MAP2K1: variants seen among roughly 807,000 people sequenced by gnomAD.
MAP2K1 encodes the protein mitogen-activated protein kinase kinase 1, also known as dual specificity mitogen-activated protein kinase kinase 1.
A neutral mutation model predicts 46.3 loss-of-function variants in MAP2K1; 16 were observed. The ratio of observed to expected loss-of-function variants is 0.35; its 90% CI spans 0.23 to 0.52. The LOEUF is 0.52. Ranked by LOEUF, MAP2K1 falls within the 20% of genes least tolerant of loss-of-function variation. MAP2K1 has a pLI of 0.94. For synonymous variants in MAP2K1, 183 were observed against 185.6 expected (o/e 0.99, Z 0.11); for missense variants, 263 against 497.1 (o/e 0.53, Z 4.48).
intron 1 of MAP2K1, among the ~76,000 whole-genome samples, chr15:66,417,144 A>G (rs2093426534): frequency 6.6e-6 from 1 of 152,178 alleles, no homozygotes; most frequent in South Asian, 2.1e-4. Context: ...AGACAGAAGC[A>G]AGCACTATCA....
At chr15:66,434,967 ACTT>A in intron 1 of MAP2K1, 57 bp from the exon 2 acceptor site, 1 of 1,068,802 alleles carries the variant, frequency 9.4e-7, no homozygotes, top group Non-Finnish European at 1.5e-6. Context: ...TGATAGGAGT[ACTT>A]CTTTGGGTTG....
At chr15:66,471,943 G>A (rs1466639915) in intron 5 of MAP2K1, among the ~76,000 whole-genome samples, 1 of 151,908 alleles carries the variant, frequency 6.6e-6, no homozygotes, top group Non-Finnish European at 1.5e-5. Context: ...TAGGCGTGGT[G>A]GCAGGTGCCT....
chr15:66,426,992 G>A (rs373243995), intron 1 of MAP2K1, among the ~76,000 whole-genome samples: 5 of 152,132 alleles, frequency 3.3e-5, no homozygotes, highest in African/African-American at 9.7e-5. Context: ...CCCCATTGAC[G>A]ATGATCTCAT....
chr15:66,478,492 G>A (rs1280849644), intron 5 of MAP2K1, among the ~76,000 whole-genome samples: 63 of 127,744 alleles, frequency 4.9e-4, no homozygotes, highest in Non-Finnish European at 7.9e-4. Context: ...ATATATAGAG[G>A]TATATATATA....
At chr15:66,420,759 G>GTGTATATA (rs1252003697) in intron 1 of MAP2K1, among the ~76,000 whole-genome samples, 1 of 40,094 alleles carries the variant, frequency 2.5e-5, no homozygotes, top group African/African-American at 9.6e-5. Context: ...GTGTGTGTGT[G>GTGTATATA]TATGTGTGTA....
intron 1 of MAP2K1, among the ~76,000 whole-genome samples, chr15:66,410,982 C>T (rs534977102): frequency 6.6e-6 from 1 of 152,280 alleles, no homozygotes; most frequent in South Asian, 2.1e-4. Flanking sequence ...GAATGAAAGC[C>T]AGTGTTAGTT....
chr15:66,484,866 A>G, intron 6 of MAP2K1, 124 bp from the exon 7 acceptor site: 3 of 882,570 alleles, frequency 3.4e-6, no homozygotes, highest in Non-Finnish European at 5.7e-6. Flanking sequence ...GCCAAATTCA[A>G]GAGGTTAGTG....
chr15:66,413,752 C>G (rs920233514), intron 1 of MAP2K1, among the ~76,000 whole-genome samples: 3 of 152,092 alleles, frequency 2.0e-5, no homozygotes, highest in African/African-American at 7.2e-5. Context: ...GACACATGCT[C>G]TAACTCTGGT....
rs777463384 is a variant in MAP2K1, at chr15:66,445,220, CT to C, written c.568+514del. 4.5e-4 allele frequency among the ~76,000 whole-genome samples: 68 copies of C among 152,058 alleles called. 1 individual carries two copies. The highest frequency in any genetic ancestry group is 3.2e-4 in the Non-Finnish European group (22 of 68,022). On this transcript the variant is annotated intron_variant, in intron 5 of 10. Coordinates refer to ENST00000307102, the MANE Select transcript of MAP2K1 (RefSeq NM_002755.4). ...CCTGACCCAACATGGTGAAACCCCCCTCTACTAAAAATACAAAAATTAGCCG... is the reference window on the plus strand; with the variant it reads ...CCTGACCCAACATGGTGAAACCCCCCCTACTAAAAATACAAAAATTAGCCG...
At chr15:66,453,335 G>A (rs895995439) in intron 5 of MAP2K1, 2 of 610,996 alleles carry the variant, frequency 3.3e-6, no homozygotes, top group East Asian at 5.5e-5. Flanking sequence ...ATGGGTCTCT[G>A]AACAGATGTC....
chr15:66,430,429 G>A (rs1247592113), intron 1 of MAP2K1, among the ~76,000 whole-genome samples: 4 of 152,176 alleles, frequency 2.6e-5, no homozygotes, highest in Non-Finnish European at 5.9e-5. Flanking sequence ...GGCTCAGATT[G>A]GGTGGCATGC....
intron 1 of MAP2K1, among the ~76,000 whole-genome samples, chr15:66,400,060 CT>C (rs925378858): frequency 4.6e-5 from 7 of 152,042 alleles, no homozygotes; most frequent in African/African-American, 9.7e-5. Context: ...AGGAAACATA[CT>C]TTTTTTGTGT....
intron 1 of MAP2K1, among the ~76,000 whole-genome samples, chr15:66,411,908 C>T (rs937298270): frequency 1.3e-5 from 2 of 152,146 alleles, no homozygotes; most frequent in African/African-American, 2.4e-5. Context: ...CCATTTAAGG[C>T]AGGAGAGAGA....
intron 1 of MAP2K1, among the ~76,000 whole-genome samples, chr15:66,405,330 GT>G (rs1479630404): frequency 6.6e-6 from 1 of 152,142 alleles, no homozygotes; most frequent in Non-Finnish European, 1.5e-5. Context: ...TAAAATTAAA[GT>G]TGAAAAATCA....
intron 5 of MAP2K1, chr15:66,446,728 CG>C: frequency 2.9e-6 from 1 of 342,720 alleles, no homozygotes; most frequent in Non-Finnish European, 6.2e-6. Flanking sequence ...CCATTGGTTC[CG>C]GATACCCTGC....
At chr15:66,427,123 A>G (rs2093461289) in intron 1 of MAP2K1, among the ~76,000 whole-genome samples, 1 of 152,266 alleles carries the variant, frequency 6.6e-6, no homozygotes, top group Non-Finnish European at 1.5e-5. Flanking sequence ...AGCTAAGGGC[A>G]ATTTAAGTCA....
chr15:66,423,677 G>A (rs1046002685), intron 1 of MAP2K1, among the ~76,000 whole-genome samples: 11 of 139,652 alleles, frequency 7.9e-5, no homozygotes, highest in African/African-American at 1.9e-4. Flanking sequence ...GCGCAATCTC[G>A]GCTCACGGCA....
At chr15:66,427,037 G>A (rs952706670) in intron 1 of MAP2K1, among the ~76,000 whole-genome samples, 1 of 152,238 alleles carries the variant, frequency 6.6e-6, no homozygotes, top group Admixed American at 6.5e-5. Context: ...TGATTGTTTT[G>A]TCTTCCCAGG....
At chr15:66,460,056 T>C (rs1308079574) in intron 5 of MAP2K1, among the ~76,000 whole-genome samples, 3 of 152,204 alleles carry the variant, frequency 2.0e-5, no homozygotes, top group Non-Finnish European at 4.4e-5. Context: ...GCCCATGGTA[T>C]ATACACAAGG....
Sources: allele counts gnomAD v4.1 joint callset (sites outside exome capture counted in the v4.1 genomes callset), GRCh38; gene constraint gnomAD v4.1.1; transcripts MANE v1.5; gene names NCBI Gene and HGNC (gene_info 2026-07-23, HGNC 2026-07-21).